Variants in SETD2 observed in about 807,000 individuals in gnomAD.
SETD2 encodes the protein SET domain containing 2, histone lysine methyltransferase, also known as histone-lysine N-methyltransferase SETD2.
SETD2 carries 31 observed loss-of-function variants against 242.1 expected under a neutral mutation model. The ratio of observed to expected loss-of-function variants is 0.13; its 90% CI spans 0.10 to 0.17. The LOEUF is 0.17. Among genes scored for constraint, SETD2 ranks in the 10% least tolerant of loss-of-function variants. The pLI, the probability that SETD2 is intolerant of heterozygous loss-of-function variation, is 1.00. For missense variants in SETD2, 2,481 were observed against 3,046.3 expected (o/e 0.81, Z 4.37); for synonymous variants, 1,006 against 1,066.5 (o/e 0.94, Z 1.11).
intron 9 of SETD2, among the ~76,000 whole-genome samples, chr3:47,094,509 T>C (rs2041930120): frequency 6.6e-6 from 1 of 152,250 alleles, no homozygotes; most frequent in Non-Finnish European, 1.5e-5. Flanking sequence ...CATGGCATCC[T>C]TTACCCAAGA....
At chr3:47,106,444 C>T (rs2042421912) in intron 5 of SETD2, among the ~76,000 whole-genome samples, 1 of 115,072 alleles carries the variant, frequency 8.7e-6, no homozygotes, top group African/African-American at 3.4e-5. Flanking sequence ...AGCTGGAAAA[C>T]AGCTCTGAAG....
At chr3:47,034,040 T>G (rs2038894973) in intron 18 of SETD2, among the ~76,000 whole-genome samples, 1 of 152,214 alleles carries the variant, frequency 6.6e-6, no homozygotes. Context: ...CAAAGTAGGC[T>G]GCCGTGCCTA....
intron 18 of SETD2, among the ~76,000 whole-genome samples, chr3:47,026,725 A>G (rs1486835105): frequency 6.6e-6 from 1 of 151,958 alleles, no homozygotes; most frequent in Admixed American, 6.6e-5. Context: ...CAAACACCAC[A>G]CGTTCTTACT....
chr3:47,098,781 G>T (rs2042099581), intron 8 of SETD2, among the ~76,000 whole-genome samples: 1 of 152,098 alleles, frequency 6.6e-6, no homozygotes, highest in Non-Finnish European at 1.5e-5. Context: ...GGGTGACAGA[G>T]TAAGACTCTG....
At chr3:47,030,193 G>A (rs2038700184) in intron 18 of SETD2, among the ~76,000 whole-genome samples, 1 of 151,648 alleles carries the variant, frequency 6.6e-6, no homozygotes, top group African/African-American at 2.4e-5. Flanking sequence ...ACAATGAAGT[G>A]AAAGGTATTT....
At chr3:47,109,940 C>T (rs934196579) in intron 5 of SETD2, among the ~76,000 whole-genome samples, 2 of 148,780 alleles carry the variant, frequency 1.3e-5, no homozygotes, top group Non-Finnish European at 3.0e-5. Context: ...GAGCCGTGAT[C>T]GTGCCACTGT....
At chr3:47,100,495 C>T (rs984854106) in intron 8 of SETD2, among the ~76,000 whole-genome samples, 4 of 151,790 alleles carry the variant, frequency 2.6e-5, no homozygotes, top group African/African-American at 9.7e-5. Context: ...ACCTCATGAT[C>T]TGCCCGCCTC....
At chr3:47,078,154 T>C (rs541306658) in intron 12 of SETD2, among the ~76,000 whole-genome samples, 1 of 152,326 alleles carries the variant, frequency 6.6e-6, no homozygotes, top group South Asian at 2.1e-4. Flanking sequence ...TTTACATATT[T>C]CCAAAGTTGC....
intron 18 of SETD2, among the ~76,000 whole-genome samples, chr3:47,027,876 C>G (rs957035468): frequency 3.3e-5 from 5 of 151,506 alleles, no homozygotes; most frequent in Non-Finnish European, 5.9e-5. Context: ...ACTGCAACCT[C>G]CGCCTCCCGG....
intron 9 of SETD2, among the ~76,000 whole-genome samples, chr3:47,089,925 A>G (rs1459698703): frequency 3.3e-5 from 5 of 152,202 alleles, no homozygotes; most frequent in Admixed American, 3.3e-4. Flanking sequence ...CAGGTAAGGC[A>G]TGGTGACGGA....
intron 18 of SETD2, among the ~76,000 whole-genome samples, chr3:47,032,698 G>A (rs1262446678): frequency 2.0e-5 from 3 of 151,996 alleles, no homozygotes; most frequent in South Asian, 4.2e-4. Context: ...GATCACCTGA[G>A]GTCAGGAGTT....
At chr3:47,124,660 T>A in intron 2 of SETD2, 112 bp from the exon 3 acceptor site, 1 of 903,622 alleles carries the variant, frequency 1.1e-6, no homozygotes, top group Non-Finnish European at 1.6e-6. Context: ...TAATAACAAA[T>A]AGTATGAATT....
intron 18 of SETD2, among the ~76,000 whole-genome samples, chr3:47,022,193 T>TCACACACACACACACACA (rs55972218): frequency 1.1e-4 from 14 of 130,948 alleles, no homozygotes; most frequent in South Asian, 2.7e-4. Flanking sequence ...CAACAATCTG[T>TCACACACACACACACACA]CACACACACA....
intron 18 of SETD2, among the ~76,000 whole-genome samples, chr3:47,022,206 C>CACACAT (rs1553674358): frequency 1.1e-4 from 16 of 142,622 alleles, no homozygotes; most frequent in African/African-American, 5.0e-5. Context: ...CACACACACA[C>CACACAT]ACACACACAC....
At chr3:47,066,781 A>C (rs1321560089) in intron 13 of SETD2, among the ~76,000 whole-genome samples, 2 of 150,480 alleles carry the variant, frequency 1.3e-5, no homozygotes, top group Non-Finnish European at 3.0e-5. Flanking sequence ...AGACTAAATA[A>C]AAAAAATAAA....
intron 1 of SETD2, among the ~76,000 whole-genome samples, chr3:47,160,498 C>T (rs1874265): frequency 0.074 from 11,100 of 150,340 alleles, 580 homozygotes; most frequent in Non-Finnish European, 0.11. Flanking sequence ...TTAGTAGAGA[C>T]GAGGTTTCAC....
intron 8 of SETD2, among the ~76,000 whole-genome samples, chr3:47,099,012 T>C (rs905304716): frequency 6.6e-6 from 1 of 152,146 alleles, no homozygotes; most frequent in African/African-American, 2.4e-5. Context: ...TCTGCATTCA[T>C]GCCCTGAATA....
intron 12 of SETD2, among the ~76,000 whole-genome samples, chr3:47,083,203 T>C (rs1374639676): frequency 6.6e-6 from 1 of 152,196 alleles, no homozygotes; most frequent in Non-Finnish European, 1.5e-5. Flanking sequence ...TCCAAAGAAA[T>C]AGGCATTTAA....
intron 15 of SETD2, among the ~76,000 whole-genome samples, chr3:47,048,594 T>G (rs1036019998): frequency 6.6e-6 from 1 of 152,216 alleles, no homozygotes; most frequent in African/African-American, 2.4e-5. Flanking sequence ...TAACTTACTA[T>G]AACTTTTTTA....
Sources: allele counts gnomAD v4.1 joint callset (sites outside exome capture counted in the v4.1 genomes callset), GRCh38; gene constraint gnomAD v4.1.1; transcripts MANE v1.5; gene names NCBI Gene and HGNC (gene_info 2026-07-23, HGNC 2026-07-21).